DCC: variants seen among roughly 807,000 people sequenced by gnomAD.
The protein encoded by DCC is DCC netrin 1 receptor, also known as netrin receptor DCC.
Under a neutral mutation model 172.5 loss-of-function variants are expected in DCC, and 58 were observed. The ratio of observed to expected loss-of-function variants is 0.34; its 90% CI spans 0.27 to 0.42. The LOEUF (loss-of-function observed/expected upper bound fraction) is 0.42. Among genes scored for constraint, DCC ranks in the 10% least tolerant of loss-of-function variants. The pLI is 1.00. For synonymous variants in DCC, 709 were observed against 644.5 expected (o/e 1.10, Z -1.52); for missense variants, 1,740 against 1,791.0 (o/e 0.97, Z 0.51).
chr18:53,061,681 C>T lies in DCC; in HGVS notation c.986-1624C>T, dbSNP rs150277142. ...CAAAAGAGACAGTTATAGCAAATCA[C>T]TTTAGTACATAGGCAGGGAATCAGA... On this transcript the variant is annotated intron_variant, in intron 5 of 28. Transcript: ENST00000442544. Among the ~76,000 whole-genome samples the T allele has an allele frequency of 3.1e-3, 472 of 152,248 alleles. 3 individuals are homozygous for T. In the Middle Eastern group the frequency reaches 0.041, roughly 13 times the overall value.
chr18:52,360,808 A>C (rs145049670), intron 1 of DCC, among the ~76,000 whole-genome samples: 13 of 152,358 alleles, frequency 8.5e-5, no homozygotes, highest in African/African-American at 3.1e-4. Flanking sequence ...AATTGGATAC[A>C]AATGTTTAGT....
chr18:53,399,132 C>T (rs949010984), intron 18 of DCC, among the ~76,000 whole-genome samples: 11 of 151,982 alleles, frequency 7.2e-5, no homozygotes, highest in Admixed American at 2.0e-4. Context: ...GTAAAATAAA[C>T]GTGACAGGAA....
chr18:52,607,076 TAGCTTTAC>T, intron 1 of DCC, among the ~76,000 whole-genome samples: 1 of 152,088 alleles, frequency 6.6e-6, no homozygotes, highest in Non-Finnish European at 1.5e-5. Flanking sequence ...AAAATCTCAG[TAGCTTTAC>T]ACAACAAAGA....
chr18:52,790,565 G>A (rs1252340265), intron 2 of DCC, among the ~76,000 whole-genome samples: 4 of 152,104 alleles, frequency 2.6e-5, no homozygotes, highest in African/African-American at 7.2e-5. Flanking sequence ...TCCCAGGTTG[G>A]AAGAACATTA....
intron 2 of DCC, among the ~76,000 whole-genome samples, chr18:52,843,333 T>C (rs1397162947): frequency 6.6e-6 from 1 of 152,176 alleles, no homozygotes; most frequent in African/African-American, 2.4e-5. Flanking sequence ...AGAGAAGCCT[T>C]CTTCCAGAAG....
intron 1 of DCC, among the ~76,000 whole-genome samples, chr18:52,481,155 A>G (rs953888544): frequency 2.0e-5 from 3 of 152,298 alleles, no homozygotes; most frequent in South Asian, 2.1e-4. Flanking sequence ...CTTCATTTTC[A>G]TGCAAATTAA....
chr18:52,611,482 C>T (rs1327438299), intron 1 of DCC, among the ~76,000 whole-genome samples: 1 of 152,134 alleles, frequency 6.6e-6, no homozygotes, highest in African/African-American at 2.4e-5. Context: ...TGATACAAAG[C>T]ATGTGTCTGA....
intron 1 of DCC, among the ~76,000 whole-genome samples, chr18:52,458,853 TGAAAG>T (rs371699600): frequency 4.2e-4 from 64 of 152,344 alleles, no homozygotes; most frequent in African/African-American, 1.5e-3. Context: ...CTCTTATTCT[TGAAAG>T]GGAGGAGAGT....
At chr18:52,893,492 C>T (rs1317100563) in intron 2 of DCC, among the ~76,000 whole-genome samples, 2 of 152,070 alleles carry the variant, frequency 1.3e-5, no homozygotes, top group African/African-American at 4.8e-5. Context: ...ACAATTATAA[C>T]CCAATAAATT....
intron 9 of DCC, among the ~76,000 whole-genome samples, chr18:53,182,783 GTTCCT>G (rs917126590): frequency 2.0e-5 from 3 of 152,034 alleles, no homozygotes; most frequent in East Asian, 1.9e-4. Flanking sequence ...AGATCCTATG[GTTCCT>G]TTCCTTTCCT....
At chr18:53,415,940 T>C (rs536769932) in intron 20 of DCC, among the ~76,000 whole-genome samples, 184 bp from the exon 21 acceptor site, 3 of 152,236 alleles carry the variant, frequency 2.0e-5, no homozygotes, top group South Asian at 2.1e-4. Context: ...TATTTTCAAT[T>C]TTTTTTCTCT....
At chr18:52,452,362 T>C (rs766909518) in intron 1 of DCC, among the ~76,000 whole-genome samples, 3 of 152,256 alleles carry the variant, frequency 2.0e-5, no homozygotes, top group Non-Finnish European at 4.4e-5. Flanking sequence ...TTATGCATTA[T>C]GTGTCTTTTT....
At chr18:52,737,737 T>C (rs764102382) in intron 1 of DCC, among the ~76,000 whole-genome samples, 5 of 152,138 alleles carry the variant, frequency 3.3e-5, no homozygotes, top group Non-Finnish European at 7.4e-5. Context: ...AGAGAGCTAA[T>C]AGACATTTAG....
chr18:52,643,451 G>T (rs113575527), intron 1 of DCC, among the ~76,000 whole-genome samples: 3 of 152,116 alleles, frequency 2.0e-5, no homozygotes, highest in African/African-American at 2.4e-5. Context: ...GCCATCCTTC[G>T]CAATGCTCAT....
rs200213348 is a variant in DCC, at chr18:53,099,939, C to CT, written c.1261+33776dup. ...AAGAGACTTTTCTTTTCTTTTCTTT[C>CT]TTTCTTTTTTTTTTTTTTTTTGTTT... On this transcript the variant is annotated intron_variant, in intron 7 of 28. Coordinates refer to ENST00000442544, the MANE Select transcript of DCC (RefSeq NM_005215.4). Among the ~76,000 whole-genome samples the CT allele has an allele frequency of 6.5e-4, 57 of 87,172 alleles. 2 individuals are homozygous for CT. The highest frequency in any genetic ancestry group is 1.1e-3 in the East Asian group (3 of 2,716). The allele number at this position is 87,172 out of a possible 152,430, so 57.2% of individuals were successfully genotyped here.
intron 7 of DCC, among the ~76,000 whole-genome samples, chr18:53,069,921 T>TG (rs551394237): frequency 0.018 from 2,721 of 151,018 alleles, 59 homozygotes; most frequent in African/African-American, 0.061. Context: ...GTTGTGGGGT[T>TG]GGGGGGGGTT....
intron 1 of DCC, among the ~76,000 whole-genome samples, chr18:52,539,021 T>C (rs1258798318): frequency 6.6e-6 from 1 of 152,176 alleles, no homozygotes; most frequent in Non-Finnish European, 1.5e-5. Context: ...TCTTGTTCTT[T>C]CCAGATGGAA....
intron 1 of DCC, among the ~76,000 whole-genome samples, chr18:52,634,448 T>C (rs2034734648): frequency 6.6e-6 from 1 of 152,118 alleles, no homozygotes; most frequent in Non-Finnish European, 1.5e-5. Flanking sequence ...AGGAAAAAAA[T>C]AATCCTGGGG....
In DCC at chr18:52,464,437, T is replaced by C. The variant is rs190422216; in HGVS notation, c.91+123559T>C. 1.8e-4 allele frequency among the ~76,000 whole-genome samples: 28 copies of C among 152,264 alleles called. No homozygotes were observed. In the East Asian group the frequency reaches 3.7e-3, roughly 20 times the overall value. On this transcript the variant is annotated intron_variant, in intron 1 of 28. Transcript: ENST00000442544. ...ACAGAATAGGTGTAACTAAGCTCTT[T>C]GTATAAAGAGCTGTGTTTTAGAAAA...
Sources: gnomAD v4.1 joint callset for allele counts (sites outside exome capture counted in the v4.1 genomes callset) on GRCh38, gnomAD v4.1.1 for gene constraint, MANE v1.5 for transcripts, NCBI Gene and HGNC (gene_info 2026-07-23, HGNC 2026-07-21) for gene names.